Variants in RIC8B observed in about 807,000 individuals in gnomAD.
RIC8B encodes the protein RIC8 guanine nucleotide exchange factor B.
A neutral mutation model predicts 57.5 loss-of-function variants in RIC8B; 16 were observed. The observed-to-expected ratio is 0.28, with a 90% CI of 0.19 to 0.42. The LOEUF (loss-of-function observed/expected upper bound fraction) is 0.42. RIC8B is among the 10% of genes least tolerant of loss of function. The probability of loss-of-function intolerance (pLI) is 1.00; values close to 1 mark genes in which losing one functional copy is unlikely to be tolerated. For missense variants in RIC8B, 481 were observed against 677.0 expected (o/e 0.71, Z 3.21); for synonymous variants, 216 against 250.8 (o/e 0.86, Z 1.31).
In RIC8B at chr12:106,887,979, G is replaced by C. The variant is rs774476901; in HGVS notation, c.*1964G>C. 5 of 152,568 alleles carry C rather than the reference G, an allele frequency of 3.3e-5. No individual in the cohort carries two copies. Among genetic ancestry groups the C allele is most frequent in the Admixed American group, 6.5e-5 (1 of 15,272 alleles). 9.5% of individuals were successfully genotyped at this position (152,568 alleles called of 1,614,324 possible). A position where few individuals can be genotyped will look rare whatever the true frequency, so the allele number is the denominator to read the frequency against. On this transcript the variant is annotated 3_prime_UTR_variant, in exon 10 of 10. Transcript: ENST00000392837. ...TGAGTGACCCAGGTTTTAACCAACA[G>C]CAAAAGAAATGGGCAATTCATAATT...
chr12:106,786,294 C>T (rs566771787), intron 2 of RIC8B, among the ~76,000 whole-genome samples: 26 of 151,966 alleles, frequency 1.7e-4, no homozygotes, highest in African/African-American at 4.6e-4. Flanking sequence ...GGACTACAGG[C>T]GCCCGCAACC....
chr12:106,841,289 T>G (rs185336530), intron 4 of RIC8B, among the ~76,000 whole-genome samples: 1 of 152,346 alleles, frequency 6.6e-6, no homozygotes, highest in East Asian at 1.9e-4. Flanking sequence ...TTCATTTTTT[T>G]GATGCCCTAT....
At chr12:106,851,015 G>T (rs117064958) in intron 6 of RIC8B, among the ~76,000 whole-genome samples, 1 of 152,038 alleles carries the variant, frequency 6.6e-6, no homozygotes, top group African/African-American at 2.4e-5. Context: ...TTTGGATAAG[G>T]TATACTCAAC....
At chr12:106,842,437 TAGTA>T (rs760301376) in intron 4 of RIC8B, 148 bp from the exon 5 acceptor site, 104 of 587,944 alleles carry the variant, frequency 1.8e-4, no homozygotes, top group African/African-American at 6.7e-4. Context: ...TCCTATCTCA[TAGTA>T]AGTGTCAAGT....
chr12:106,852,890 A>C (rs1468091846), intron 7 of RIC8B, among the ~76,000 whole-genome samples: 1 of 152,262 alleles, frequency 6.6e-6, no homozygotes, highest in African/African-American at 2.4e-5. Flanking sequence ...GTTATCTGTA[A>C]ATATTGGCTG....
chr12:106,811,173 A>G (rs2045318217), intron 2 of RIC8B, among the ~76,000 whole-genome samples: 1 of 152,176 alleles, frequency 6.6e-6, no homozygotes, highest in Non-Finnish European at 1.5e-5. Flanking sequence ...CCACCCTTAC[A>G]CATCTTTAGC....
At chr12:106,878,831 C>A (rs140300078) in intron 9 of RIC8B, among the ~76,000 whole-genome samples, 169 of 152,022 alleles carry the variant, frequency 1.1e-3, no homozygotes, top group African/African-American at 3.7e-3. Flanking sequence ...TGTTCCCCCC[C>A]CCTTTTCTTC....
At chr12:106,861,348 A>G (rs1949925362) in intron 8 of RIC8B, among the ~76,000 whole-genome samples, 2 of 152,042 alleles carry the variant, frequency 1.3e-5, no homozygotes, top group African/African-American at 4.8e-5. Context: ...TAAAAAACAT[A>G]CATTGTGCCT....
In RIC8B at chr12:106,815,284, A is replaced by C; in HGVS notation, c.721A>C (p.Ser241Arg). The stretch of plus-strand genomic sequence containing the variant: ...AGCTCTCTTCAATGTGACGGTAGAC[A>C]GTTGGAAGGTGCATAAAGAGGTAAG... ...LKALFNVTVD[S>R]WKVHKESDSH... The change falls in exon 3 of 10, where the codon AGT becomes CGT. Residue 241 changes from serine to arginine, a missense_variant. This residue lies in a region of RIC8B where 421 missense variants were observed against 560.9 expected (regional missense o/e 0.75). Coordinates refer to ENST00000392837, the MANE Select transcript of RIC8B (RefSeq NM_001330145.2). The C allele has an allele frequency of 6.2e-7, 1 of 1,612,424 alleles. No homozygotes were observed. The highest frequency in any genetic ancestry group is 8.5e-7 in the Non-Finnish European group (1 of 1,179,394).
intron 3 of RIC8B, among the ~76,000 whole-genome samples, 153 bp from the exon 4 acceptor site, chr12:106,825,573 T>C (rs2046058172): frequency 6.6e-6 from 1 of 152,224 alleles, no homozygotes; most frequent in African/African-American, 2.4e-5. Context: ...ACTATTAGTA[T>C]TGCCTCAGGA....
intron 4 of RIC8B, among the ~76,000 whole-genome samples, chr12:106,838,431 C>T (rs891047084): frequency 6.6e-5 from 10 of 151,400 alleles, no homozygotes; most frequent in South Asian, 2.1e-4. Flanking sequence ...TCAGCTACTC[C>T]GGAGGCTCAG....
chr12:106,779,085 G>A (rs2043625170), intron 1 of RIC8B, among the ~76,000 whole-genome samples: 1 of 152,042 alleles, frequency 6.6e-6, no homozygotes, highest in Admixed American at 6.5e-5. Flanking sequence ...GGCTAATTTT[G>A]TATCTTTAGT....
At chr12:106,814,331 T>C (rs937262213) in intron 2 of RIC8B, among the ~76,000 whole-genome samples, 1 of 152,234 alleles carries the variant, frequency 6.6e-6, no homozygotes, top group African/African-American at 2.4e-5. Context: ...GTTCAAGGGT[T>C]TCTGAAACAT....
intron 8 of RIC8B, chr12:106,868,177 C>A (rs1224878306): frequency 2.5e-6 from 1 of 395,464 alleles, no homozygotes; most frequent in Non-Finnish European, 5.1e-6. Context: ...GTGGTGCCCA[C>A]AATAAGCCCA....
chr12:106,859,706 G>A (rs1949850367), intron 7 of RIC8B, among the ~76,000 whole-genome samples: 2 of 152,034 alleles, frequency 1.3e-5, no homozygotes, highest in Admixed American at 6.6e-5. Context: ...GTCTACCTTC[G>A]TAATGGGCTT....
At chr12:106,820,021 A>C (rs1434125928) in intron 3 of RIC8B, among the ~76,000 whole-genome samples, 1 of 152,144 alleles carries the variant, frequency 6.6e-6, no homozygotes, top group Non-Finnish European at 1.5e-5. Flanking sequence ...TATGTTGCCA[A>C]ATTTACCTTC....
intron 4 of RIC8B, among the ~76,000 whole-genome samples, chr12:106,829,868 AGGATTGGTGGG>A (rs1342456356): frequency 2.0e-5 from 3 of 152,210 alleles, no homozygotes; most frequent in Non-Finnish European, 2.9e-5. Context: ...TTTTGGCAGC[AGGATTGGTGGG>A]GGATCATTGT....
chr12:106,826,342 C>A (rs891509656), intron 4 of RIC8B, among the ~76,000 whole-genome samples: 18 of 152,340 alleles, frequency 1.2e-4, no homozygotes, highest in Non-Finnish European at 2.6e-4. Flanking sequence ...CTACACTTAA[C>A]TAGTACTCTC....
intron 1 of RIC8B, among the ~76,000 whole-genome samples, chr12:106,776,897 G>T (rs543454290): frequency 6.6e-6 from 1 of 152,298 alleles, no homozygotes; most frequent in East Asian, 1.9e-4. Context: ...TGGAGACAGG[G>T]TCTGTATCTG....
Sources: gnomAD v4.1 joint callset for allele counts (sites outside exome capture counted in the v4.1 genomes callset) on GRCh38, gnomAD v4.1.1 for gene constraint, gnomAD v4.1.1 regional missense constraint, MANE v1.5 for transcripts, NCBI Gene and HGNC (gene_info 2026-07-23, HGNC 2026-07-21) for gene names.